CCDC178: variants seen among roughly 807,000 people sequenced by gnomAD.
CCDC178 encodes the protein coiled-coil domain-containing protein 178.
Under a neutral mutation model 117.4 loss-of-function variants are expected in CCDC178, and 126 were observed. That is an observed-to-expected ratio of 1.07 (90% CI 0.93 to 1.24). The LOEUF (loss-of-function observed/expected upper bound fraction) is 1.24, where lower values mean the gene tolerates loss of function less well. CCDC178 is among the 50% of genes most tolerant of loss of function. The pLI is 0.00. For missense variants in CCDC178, 1,030 were observed against 986.9 expected (o/e 1.04, Z -0.59); for synonymous variants, 283 against 313.4 (o/e 0.90, Z 1.02).
At chr18:33,421,761 A>G (rs2064029616) in intron 2 of CCDC178, among the ~76,000 whole-genome samples, 1 of 152,198 alleles carries the variant, frequency 6.6e-6, no homozygotes, top group South Asian at 2.1e-4. Context: ...TCAGAAAACA[A>G]TAAATAGATA....
chr18:33,428,730 CAAAAAAAAAAAAA>C (rs35234261), intron 2 of CCDC178, among the ~76,000 whole-genome samples: 1 of 42,378 alleles, frequency 2.4e-5, no homozygotes, highest in African/African-American at 9.0e-5. Context: ...GACTCTGTCT[CAAAAAAAAAAAAA>C]AAAAAAAAAA....
chr18:33,152,673 C>A (rs563607893), intron 20 of CCDC178, among the ~76,000 whole-genome samples: 3 of 152,214 alleles, frequency 2.0e-5, no homozygotes, highest in Admixed American at 6.5e-5. Flanking sequence ...AGAACCACAA[C>A]AGCTGACTCC....
intron 5 of CCDC178, among the ~76,000 whole-genome samples, chr18:33,385,748 C>T (rs1384965306): frequency 1.3e-5 from 2 of 151,828 alleles, no homozygotes; most frequent in Non-Finnish European, 2.9e-5. Flanking sequence ...TAAATGCCCA[C>T]ATCAAAGAAA....
intron 2 of CCDC178, among the ~76,000 whole-genome samples, chr18:33,426,827 A>C (rs2064131560): frequency 6.6e-6 from 1 of 152,138 alleles, no homozygotes; most frequent in South Asian, 2.1e-4. Context: ...ACAGAGTATA[A>C]AATTATTTAA....
chr18:33,272,608 C>A (rs2059903606), intron 12 of CCDC178, among the ~76,000 whole-genome samples: 1 of 151,564 alleles, frequency 6.6e-6, no homozygotes, highest in African/African-American at 2.4e-5. Context: ...ATGAAAAGTA[C>A]AGACTGATAT....
chr18:33,022,181 A>T (rs1290606257), intron 21 of CCDC178, among the ~76,000 whole-genome samples: 2 of 152,134 alleles, frequency 1.3e-5, no homozygotes, highest in African/African-American at 4.8e-5. Context: ...TTTGCTCTCA[A>T]ATCTTTTCCC....
At chr18:33,261,265 A>C (rs1198181316) in intron 14 of CCDC178, among the ~76,000 whole-genome samples, 1 of 151,822 alleles carries the variant, frequency 6.6e-6, no homozygotes, top group Non-Finnish European at 1.5e-5. Flanking sequence ...TTGTATTTTT[A>C]GTAGAGACGG....
intron 20 of CCDC178, among the ~76,000 whole-genome samples, chr18:33,136,495 T>C (rs1439654480): frequency 6.6e-6 from 1 of 152,052 alleles, no homozygotes; most frequent in Non-Finnish European, 1.5e-5. Context: ...TTGGCCTAAG[T>C]ACAAAGCTTT....
At chr18:33,000,492 T>C (rs1329984602) in intron 21 of CCDC178, among the ~76,000 whole-genome samples, 3 of 152,108 alleles carry the variant, frequency 2.0e-5, no homozygotes, top group South Asian at 2.1e-4. Context: ...AAGAAGAATA[T>C]AGAACACCAA....
chr18:33,068,083 T>C (rs1197473497), intron 21 of CCDC178, among the ~76,000 whole-genome samples: 1 of 152,066 alleles, frequency 6.6e-6, no homozygotes, highest in Non-Finnish European at 1.5e-5. Flanking sequence ...AATGAATGAA[T>C]TCCTGGACAC....
At chr18:33,186,994 G>A (rs1408262461) in intron 20 of CCDC178, among the ~76,000 whole-genome samples, 7 of 150,414 alleles carry the variant, frequency 4.7e-5, no homozygotes, top group East Asian at 1.9e-4. Flanking sequence ...AAAGGTAAGC[G>A]GTTTAATTGA....
In CCDC178 at chr18:33,179,078, A is replaced by AAAAAAATAT. The variant is rs71159804; in HGVS notation, c.2238+32817_2238+32818insATATTTTTT. Among the ~76,000 whole-genome samples the AAAAAAATAT allele has an allele frequency of 9.0e-5, 5 of 55,824 alleles. 1 individual carries two copies. The highest frequency in any genetic ancestry group is 2.3e-4 in the African/African-American group (2 of 8,840). 36.6% of individuals were successfully genotyped at this position (55,824 alleles called of 152,430 possible). A position where few individuals can be genotyped will look rare whatever the true frequency, so the allele number is the denominator to read the frequency against. On this transcript the variant is annotated intron_variant, in intron 20 of 22. Transcript: ENST00000383096. ...ACTCAGTAAAAAAAAAAAAAAAAAAAATATATATATATATATATATATATA... is the reference window on the plus strand; with the variant it reads ...ACTCAGTAAAAAAAAAAAAAAAAAAAAAAAAATATATATATATATATATATATATATATA...
chr18:33,018,991 C>G (rs971355002), intron 21 of CCDC178, among the ~76,000 whole-genome samples: 3 of 152,048 alleles, frequency 2.0e-5, no homozygotes, highest in Non-Finnish European at 4.4e-5. Context: ...TACTTCTCTA[C>G]CAATAAAACA....
At chr18:33,126,882 C>T (rs1247687635) in intron 20 of CCDC178, among the ~76,000 whole-genome samples, 3 of 151,450 alleles carry the variant, frequency 2.0e-5, no homozygotes, top group African/African-American at 7.3e-5. Flanking sequence ...GCCTCCAACT[C>T]CTGACCTCAG....
intron 22 of CCDC178, among the ~76,000 whole-genome samples, chr18:32,960,561 G>T (rs1294514824): frequency 6.6e-6 from 1 of 152,084 alleles, no homozygotes; most frequent in East Asian, 1.9e-4. Flanking sequence ...TGCTAGTCTA[G>T]GTTCTATACG....
At chr18:33,247,795 G>C (rs895360168) in intron 14 of CCDC178, among the ~76,000 whole-genome samples, 1 of 151,800 alleles carries the variant, frequency 6.6e-6, no homozygotes, top group Admixed American at 6.6e-5. Flanking sequence ...TATTTGTTTT[G>C]TGGAAAACAC....
chr18:33,030,739 T>C (rs574467965), intron 21 of CCDC178, among the ~76,000 whole-genome samples: 2 of 151,650 alleles, frequency 1.3e-5, no homozygotes, highest in African/African-American at 2.4e-5. Context: ...ATGAGATAGA[T>C]GATAGATCAA....
At chr18:32,938,200 C>T (rs543090450) in intron 22 of CCDC178, 109 bp from the exon 23 acceptor site, 89 of 725,904 alleles carry the variant, frequency 1.2e-4, no homozygotes, top group Admixed American at 5.2e-4. Context: ...ATAAAAATAA[C>T]GACAAACACC....
chr18:33,414,529 C>T (rs980829422), intron 2 of CCDC178, among the ~76,000 whole-genome samples: 1 of 152,266 alleles, frequency 6.6e-6, no homozygotes, highest in Non-Finnish European at 1.5e-5. Context: ...CCCTTCCTTA[C>T]ACCTTATACA....
Sources: gnomAD v4.1 joint callset for allele counts (sites outside exome capture counted in the v4.1 genomes callset) on GRCh38, gnomAD v4.1.1 for gene constraint, MANE v1.5 for transcripts, NCBI Gene and HGNC (gene_info 2026-07-23, HGNC 2026-07-21) for gene names.